TBC1D5: variants seen among roughly 807,000 people sequenced by gnomAD.
TBC1D5 encodes the protein TBC1 domain family, member 5.
A neutral mutation model predicts 100.3 loss-of-function variants in TBC1D5; 75 were observed. That is an observed-to-expected ratio of 0.75 (90% CI 0.62 to 0.91). The LOEUF is 0.91. Ranked by LOEUF, TBC1D5 falls within the 40% of genes least tolerant of loss-of-function variation. The pLI, the probability that TBC1D5 is intolerant of heterozygous loss-of-function variation, is 0.00. For synonymous variants in TBC1D5, 323 were observed against 325.6 expected (o/e 0.99, Z 0.09); for missense variants, 910 against 942.4 (o/e 0.97, Z 0.45).
chr3:17,568,092 A>T (rs1260108269), intron 2 of TBC1D5, among the ~76,000 whole-genome samples: 1 of 151,600 alleles, frequency 6.6e-6, no homozygotes, highest in Non-Finnish European at 1.5e-5. Flanking sequence ...GCAACGTAAA[A>T]GGTGAACACC....
intron 17 of TBC1D5, among the ~76,000 whole-genome samples, chr3:17,217,467 C>G (rs1251393417): frequency 6.6e-6 from 1 of 152,116 alleles, no homozygotes; most frequent in Non-Finnish European, 1.5e-5. Context: ...TCAAAAGTGA[C>G]TACACCATTT....
chr3:17,589,734 C>T (rs1320390906), intron 2 of TBC1D5, among the ~76,000 whole-genome samples: 1 of 152,170 alleles, frequency 6.6e-6, no homozygotes, highest in African/African-American at 2.4e-5. Flanking sequence ...TCAGGCATTT[C>T]AGTCATTTAA....
intron 21 of TBC1D5, among the ~76,000 whole-genome samples, chr3:17,163,844 T>C (rs1381460109): frequency 6.6e-6 from 1 of 152,240 alleles, no homozygotes; most frequent in Non-Finnish European, 1.5e-5. Context: ...TTTTAGTGCA[T>C]TTAATTTTAA....
At chr3:17,537,755 T>A (rs964888648) in intron 2 of TBC1D5, among the ~76,000 whole-genome samples, 4 of 152,258 alleles carry the variant, frequency 2.6e-5, no homozygotes, top group African/African-American at 9.6e-5. Context: ...TTTATAAGCC[T>A]GAATAATATT....
At chr3:17,382,614 G>A (rs1482755458) in intron 9 of TBC1D5, among the ~76,000 whole-genome samples, 1 of 150,132 alleles carries the variant, frequency 6.7e-6, no homozygotes, top group East Asian at 2.0e-4. Context: ...AGGCTAGAGT[G>A]CAGTGAATCA....
chr3:17,507,373 C>A (rs953751408), intron 3 of TBC1D5, among the ~76,000 whole-genome samples: 2 of 151,824 alleles, frequency 1.3e-5, no homozygotes, highest in African/African-American at 4.8e-5. Flanking sequence ...AAAATTAAAT[C>A]ACAAAAATAA....
At chr3:17,417,811 G>C (rs1453859154) in intron 4 of TBC1D5, among the ~76,000 whole-genome samples, 1 of 152,114 alleles carries the variant, frequency 6.6e-6, no homozygotes, top group Non-Finnish European at 1.5e-5. Flanking sequence ...CCCACCAACA[G>C]TGTAAAAGTG....
intron 17 of TBC1D5, among the ~76,000 whole-genome samples, chr3:17,230,166 T>C (rs924176578): frequency 2.0e-5 from 3 of 152,144 alleles, no homozygotes; most frequent in Admixed American, 6.6e-5. Context: ...CCCTCACTCT[T>C]GTGAGTGGAA....
At chr3:17,680,885 A>T (rs1384684325) in intron 1 of TBC1D5, among the ~76,000 whole-genome samples, 1 of 151,502 alleles carries the variant, frequency 6.6e-6, no homozygotes, top group Non-Finnish European at 1.5e-5. Context: ...GAATTCAAAT[A>T]CATGCCAAAT....
chr3:17,300,193 TA>T (rs761954359), intron 14 of TBC1D5, among the ~76,000 whole-genome samples: 6 of 152,116 alleles, frequency 3.9e-5, no homozygotes, highest in Admixed American at 3.9e-4. Context: ...GATATAATCA[TA>T]AAAACAACTG....
chr3:17,400,544 T>A (rs2093619837), intron 8 of TBC1D5, among the ~76,000 whole-genome samples: 1 of 152,088 alleles, frequency 6.6e-6, no homozygotes, highest in South Asian at 2.1e-4. Flanking sequence ...GAGAATAAGA[T>A]ATGGAACCCT....
chr3:17,173,663 T>A (rs1182435463), intron 19 of TBC1D5, among the ~76,000 whole-genome samples: 3 of 152,210 alleles, frequency 2.0e-5, no homozygotes, highest in African/African-American at 7.2e-5. Context: ...CCTCCTCCCT[T>A]GGTACCTTAA....
intron 1 of TBC1D5, among the ~76,000 whole-genome samples, chr3:17,654,518 T>C (rs2065875895): frequency 6.6e-6 from 1 of 152,152 alleles, no homozygotes; most frequent in South Asian, 2.1e-4. Context: ...GCCCACTTGA[T>C]CATGGTGGAT....
chr3:17,258,855 T>C (rs2078001030), intron 15 of TBC1D5, among the ~76,000 whole-genome samples: 2 of 152,180 alleles, frequency 1.3e-5, no homozygotes, highest in Admixed American at 1.3e-4. Context: ...TTTTCAAATA[T>C]AACTTTCCTA....
intron 2 of TBC1D5, among the ~76,000 whole-genome samples, chr3:17,582,778 C>T (rs1042446712): frequency 1.6e-4 from 23 of 141,262 alleles, no homozygotes; most frequent in African/African-American, 5.8e-4. Context: ...ACACAGATAC[C>T]AAAAAGCAAA....
chr3:17,576,900 A>G (rs550645300), intron 2 of TBC1D5, among the ~76,000 whole-genome samples: 2 of 152,200 alleles, frequency 1.3e-5, no homozygotes, highest in Non-Finnish European at 2.9e-5. Flanking sequence ...AAGCTGTGAT[A>G]TATTTGTTAA....
At chr3:17,735,714 C>T (rs959791622) in intron 1 of TBC1D5, among the ~76,000 whole-genome samples, 1 of 152,200 alleles carries the variant, frequency 6.6e-6, no homozygotes, top group Non-Finnish European at 1.5e-5. Flanking sequence ...GTCTTTAGCC[C>T]GATCAGGAGC....
intron 4 of TBC1D5, among the ~76,000 whole-genome samples, chr3:17,427,929 T>G (rs966121324): frequency 6.6e-6 from 1 of 151,930 alleles, no homozygotes; most frequent in African/African-American, 2.4e-5. Flanking sequence ...ATTTTCTTAA[T>G]TAGTATATCC....
chr3:17,374,682 T>TA lies in TBC1D5; in HGVS notation c.702-4dup. ...TCAAGACAGTTTTCATTTCCTCACT[T>TA]AAAAAAGCAATACAAGCAATCAAAA... On this transcript the variant is annotated splice_polypyrimidine_tract_variant and splice_region_variant and intron_variant, in intron 10 of 21. Coordinates refer to ENST00000253692, the Ensembl canonical transcript of TBC1D5. 1 of 1,610,010 alleles carries TA rather than the reference T, an allele frequency of 6.2e-7. No homozygotes were observed. The highest frequency in any genetic ancestry group is 8.5e-7 in the Non-Finnish European group (1 of 1,179,024).
Sources: gnomAD v4.1 joint callset for allele counts (sites outside exome capture counted in the v4.1 genomes callset) on GRCh38, gnomAD v4.1.1 for gene constraint, MANE v1.5 for transcripts, NCBI Gene and HGNC (gene_info 2026-07-23, HGNC 2026-07-21) for gene names.